PDCD1LG2: variants seen among roughly 807,000 people sequenced by gnomAD.
PDCD1LG2 encodes the protein programmed cell death 1 ligand 2, also known as B7 dendritic cell molecule.
A neutral mutation model predicts 28.2 loss-of-function variants in PDCD1LG2; 32 were observed. The observed-to-expected ratio is 1.13, with a 90% CI of 0.86 to 1.52. The LOEUF (loss-of-function observed/expected upper bound fraction) is 1.52. Ranked by LOEUF, PDCD1LG2 falls within the 40% of genes most tolerant of loss-of-function variation. The pLI, the probability that PDCD1LG2 is intolerant of heterozygous loss-of-function variation, is 0.00. For synonymous variants in PDCD1LG2, 116 were observed against 120.2 expected (o/e 0.97, Z 0.23); for missense variants, 385 against 323.8 (o/e 1.19, Z -1.45).
At chr9:5,524,458 T>A (rs1022759015) in intron 2 of PDCD1LG2, among the ~76,000 whole-genome samples, 4 of 152,238 alleles carry the variant, frequency 2.6e-5, no homozygotes, top group African/African-American at 9.6e-5. Context: ...GCTTTCTCAT[T>A]TTCTTCACGA....
Position 5,569,923 on chromosome 9 carries a change from AT to A in PDCD1LG2, c.817-26del. The A allele has an allele frequency of 6.2e-7, 1 of 1,611,504 alleles. No homozygotes were observed. The highest frequency in any genetic ancestry group is 8.5e-7 in the Non-Finnish European group (1 of 1,178,282). Reference sequence around the variant, plus strand: ...ATATATTTTCTAATCATAAAAAATGATTTTTCTTATTTGTGGGCTTTTCTCC... The same window carrying A: ...ATATATTTTCTAATCATAAAAAATGATTTTCTTATTTGTGGGCTTTTCTCC... On this transcript the variant is annotated intron_variant, in intron 6 of 6. Transcript: ENST00000397747. The surrounding 1 kb of genome is among the most constrained non-coding windows in gnomAD (Gnocchi z 4.1).
chr9:5,544,207 T>C (rs1299594470), intron 3 of PDCD1LG2, among the ~76,000 whole-genome samples: 1 of 152,222 alleles, frequency 6.6e-6, no homozygotes, highest in African/African-American at 2.4e-5. Flanking sequence ...AGTAATTCTT[T>C]TAATGAGGGA....
chr9:5,528,607 A>G (rs1820424065), intron 2 of PDCD1LG2, among the ~76,000 whole-genome samples: 1 of 152,018 alleles, frequency 6.6e-6, no homozygotes, highest in South Asian at 2.1e-4. Flanking sequence ...ACCTGGCCTT[A>G]GTTAAGTTTT....
rs140038030 is a variant in PDCD1LG2 at position 5,540,528 on chromosome 9, G to C, written c.361+5478G>C. On this transcript the variant is annotated intron_variant, in intron 3 of 6. Transcript: ENST00000397747. ...AATAATCTCAATTAGAAATGAAATG[G>C]AGATATTACTACTCATATCACAGAA... is the stretch of plus-strand genomic sequence containing the variant. Among the ~76,000 whole-genome samples the C allele has an allele frequency of 1.2e-3, 182 of 152,142 alleles. 1 individual carries two copies. Among genetic ancestry groups the C allele is most frequent in the African/African-American group, 4.0e-3 (167 of 41,518 alleles).
At chr9:5,528,400 C>T (rs1820419773) in intron 2 of PDCD1LG2, among the ~76,000 whole-genome samples, 1 of 151,546 alleles carries the variant, frequency 6.6e-6, no homozygotes, top group South Asian at 2.1e-4. Context: ...CTCTCAGGCT[C>T]AAGCGATTCT....
intron 1 of PDCD1LG2, among the ~76,000 whole-genome samples, chr9:5,515,922 C>CA (rs1204038026): frequency 0.13 from 3,919 of 30,276 alleles, 966 homozygotes; most frequent in Non-Finnish European, 0.18. Flanking sequence ...GACTCCATCT[C>CA]AAAAAAAAAA....
intron 3 of PDCD1LG2, among the ~76,000 whole-genome samples, 196 bp downstream of exon 3, chr9:5,535,246 T>G (rs1012405025): frequency 6.6e-6 from 1 of 151,840 alleles, no homozygotes; most frequent in Non-Finnish European, 1.5e-5. Context: ...GAAGTACAAG[T>G]GAAAGGGGGT....
At chr9:5,532,037 C>A (rs1048101339) in intron 2 of PDCD1LG2, among the ~76,000 whole-genome samples, 6 of 152,116 alleles carry the variant, frequency 3.9e-5, no homozygotes, top group Admixed American at 3.9e-4. Flanking sequence ...AGGGATCTGC[C>A]CTTAAGAGGG....
chr9:5,534,862 G>C lies in PDCD1LG2; in HGVS notation c.173G>C (p.Ser58Thr), dbSNP rs12339171. ...SHVNLGAITA[S>T]LQKVENDTSP... is the part of the protein sequence containing the mutation. The stretch of plus-strand genomic sequence containing the variant: ...GTGAACCTTGGAGCAATAACAGCCA[G>C]TTTGCAAAAGGTGGAAAATGATACA... Residue 58 changes from serine (S) to threonine (T), a missense_variant, in exon 3 of 7, where the codon AGT becomes ACT. Physicochemically the swap from Ser to Thr is moderately conservative, Grantham distance 58. Transcript: ENST00000397747. The C allele has an allele frequency of 7.8e-4, 1,259 of 1,614,198 alleles. 15 individuals are homozygous for C. In the African/African-American group the frequency reaches 0.014, roughly 19 times the overall value.
intron 3 of PDCD1LG2, among the ~76,000 whole-genome samples, chr9:5,542,213 G>C (rs1586808411): frequency 6.6e-6 from 1 of 152,146 alleles, no homozygotes; most frequent in South Asian, 2.1e-4. Flanking sequence ...TCTAAGACCT[G>C]AAACCATAAC....
At chr9:5,533,555 A>G (rs903536235) in intron 2 of PDCD1LG2, among the ~76,000 whole-genome samples, 2 of 152,182 alleles carry the variant, frequency 1.3e-5, no homozygotes, top group African/African-American at 4.8e-5. Context: ...CCAGTGTTAG[A>G]GGTGTGGAAG....
Position 5,533,242 on chromosome 9 carries a change from T to G in PDCD1LG2, c.56-1503T>G, listed in dbSNP as rs1318531150. On this transcript the variant is annotated intron_variant, in intron 2 of 6. Coordinates refer to ENST00000397747, the MANE Select transcript of PDCD1LG2 (RefSeq NM_025239.4). ...TTTCCTATACCTCCATCATAATGAA[T>G]ACCCATTCATTAATGATGGAAGCAG... is the stretch of plus-strand genomic sequence containing the variant. Among the ~76,000 whole-genome samples, 4 of 152,228 alleles carry G rather than the reference T, an allele frequency of 2.6e-5. No individual in the cohort carries two copies. In the East Asian group the frequency reaches 7.7e-4, roughly 29 times the overall value.
intron 2 of PDCD1LG2, among the ~76,000 whole-genome samples, chr9:5,528,582 G>A (rs1021424237): frequency 3.3e-5 from 5 of 151,996 alleles, no homozygotes; most frequent in Admixed American, 2.6e-4. Flanking sequence ...TGGGATTACA[G>A]GCATAAGCCA....
intron 1 of PDCD1LG2, among the ~76,000 whole-genome samples, chr9:5,514,003 A>T (rs1820109459): frequency 6.6e-6 from 1 of 152,252 alleles, no homozygotes; most frequent in Non-Finnish European, 1.5e-5. Context: ...CTAGGTCTTC[A>T]TGGATAGCCG....
intron 4 of PDCD1LG2, among the ~76,000 whole-genome samples, chr9:5,551,086 T>A (rs1242952106): frequency 1.3e-5 from 2 of 152,150 alleles, no homozygotes; most frequent in Non-Finnish European, 2.9e-5. Flanking sequence ...TTATTTGGGG[T>A]GATCTTCCCA....
At chr9:5,557,777 C>G (rs762097537) in intron 5 of PDCD1LG2, 25 bp downstream of exon 5, 1 of 1,612,922 alleles carries the variant, frequency 6.2e-7, no homozygotes, top group Admixed American at 1.7e-5. Context: ...TTCATGGTAA[C>G]CCAATGCACT....
At chr9:5,561,063 C>G (rs1265006689) in intron 5 of PDCD1LG2, among the ~76,000 whole-genome samples, 1 of 152,060 alleles carries the variant, frequency 6.6e-6, no homozygotes, top group Non-Finnish European at 1.5e-5. Context: ...AAAAAATTAC[C>G]TGGCATATAA....
intron 2 of PDCD1LG2, among the ~76,000 whole-genome samples, chr9:5,529,521 C>G (rs1820441872): frequency 6.6e-6 from 1 of 152,156 alleles, no homozygotes; most frequent in Admixed American, 6.5e-5. Context: ...TATCCTTTTG[C>G]AAATATCACA....
chr9:5,547,392 G>C (rs754345094), intron 3 of PDCD1LG2, among the ~76,000 whole-genome samples: 1 of 152,062 alleles, frequency 6.6e-6, no homozygotes, highest in Non-Finnish European at 1.5e-5. Flanking sequence ...ATATCAACAG[G>C]TGACTTTCCA....
Sources: gnomAD v4.1 joint callset for allele counts (sites outside exome capture counted in the v4.1 genomes callset) on GRCh38, gnomAD v4.1.1 for gene constraint, Gnocchi (gnomAD v3.1) non-coding constraint, MANE v1.5 for transcripts, NCBI Gene and HGNC (gene_info 2026-07-23, HGNC 2026-07-21) for gene names.